Variants in LRRFIP1 observed in about 807,000 individuals in gnomAD.
LRRFIP1 encodes the protein leucine-rich repeat flightless-interacting protein 1.
Under a neutral mutation model 104.4 loss-of-function variants are expected in LRRFIP1, and 62 were observed. The observed-to-expected ratio is 0.59, with a 90% CI of 0.48 to 0.73. The LOEUF (loss-of-function observed/expected upper bound fraction) is 0.73. Ranked by LOEUF, LRRFIP1 falls within the 30% of genes least tolerant of loss-of-function variation. The pLI is 0.00. For synonymous variants in LRRFIP1, 300 were observed against 299.0 expected (o/e 1.00, Z -0.03); for missense variants, 796 against 824.5 (o/e 0.97, Z 0.42).
chr2:237,641,795 A>G lies in LRRFIP1; in HGVS notation c.96+14055A>G, dbSNP rs535388066. Among the ~76,000 whole-genome samples the G allele has an allele frequency of 2.3e-4, 35 of 152,308 alleles. No individual in the cohort carries two copies. In the South Asian group the frequency reaches 5.6e-3, roughly 24 times the overall value. ...ATACCAGGTGAAAATAACATATAAC[A>G]TGCACAATATATTGTACAGTTTTGT... On this transcript the variant is annotated intron_variant, in intron 1 of 23. Coordinates refer to ENST00000308482, the MANE Select transcript of LRRFIP1 (RefSeq NM_001137550.2).
At chr2:237,740,821 T>TGACC (rs1458445312) in intron 11 of LRRFIP1, among the ~76,000 whole-genome samples, 1 of 152,046 alleles carries the variant, frequency 6.6e-6, no homozygotes, top group African/African-American at 2.4e-5. Context: ...ACTATTTTCG[T>TGACC]GACCCCGAGG....
intron 1 of LRRFIP1, chr2:237,692,625 CGTGGG>C: frequency 7.5e-7 from 1 of 1,331,308 alleles, no homozygotes; most frequent in East Asian, 3.1e-5. Context: ...GCCCGGGAGG[CGTGGG>C]GTGGGCTCTG....
rs147766881 is a variant in LRRFIP1 at position 237,678,207 on chromosome 2, T to C, written c.97-30337T>C. Among the ~76,000 whole-genome samples the C allele has an allele frequency of 2.4e-3, 373 of 152,272 alleles. 1 individual carries two copies. The highest frequency in any genetic ancestry group is 8.6e-3 in the African/African-American group (359 of 41,538). ...GAAATCACCGGGTGCCTTAAAAAAA[T>C]AACCAGCGCAAAGTTCAGGCCTCTT... is the stretch of plus-strand genomic sequence containing the variant. On this transcript the variant is annotated intron_variant, in intron 1 of 23. Transcript: ENST00000308482.
chr2:237,764,654 C>T lies in LRRFIP1; in HGVS notation c.1459+4449C>T, dbSNP rs1303354258. ...TATTTTATTTAAAGGAGATAAACAGCCAAATAGCAAATAGGTCACTGAATG... is the reference window on the plus strand; with the variant it reads ...TATTTTATTTAAAGGAGATAAACAGTCAAATAGCAAATAGGTCACTGAATG... On this transcript the variant is annotated intron_variant, in intron 19 of 23. Coordinates refer to ENST00000308482, the MANE Select transcript of LRRFIP1 (RefSeq NM_001137550.2). 4.0e-6 allele frequency: 4 copies of T among 988,404 alleles called. No individual in the cohort carries two copies. In the East Asian group the frequency reaches 3.4e-4, roughly 83 times the overall value. The allele number at this position is 988,404 out of a possible 1,614,324, so 61.2% of individuals were successfully genotyped here.
At chr2:237,635,483 G>C (rs749959504) in intron 1 of LRRFIP1, among the ~76,000 whole-genome samples, 3 of 152,088 alleles carry the variant, frequency 2.0e-5, no homozygotes, top group Non-Finnish European at 4.4e-5. Flanking sequence ...TGAACCATGT[G>C]ACTGTATTAA....
At chr2:237,760,682 G>A (rs1258254902) in intron 19 of LRRFIP1, among the ~76,000 whole-genome samples, 1 of 152,186 alleles carries the variant, frequency 6.6e-6, no homozygotes, top group Non-Finnish European at 1.5e-5. Context: ...TCAGCGCTTT[G>A]AGGGTACGGG....
intron 16 of LRRFIP1, 85 bp from the exon 17 acceptor site, chr2:237,757,371 G>A: frequency 1.2e-6 from 1 of 825,650 alleles, no homozygotes; most frequent in Non-Finnish European, 2.0e-6. Flanking sequence ...CTCACTCACT[G>A]TCCCAGCTCT....
intron 1 of LRRFIP1, among the ~76,000 whole-genome samples, chr2:237,700,062 T>C (rs1189497179): frequency 6.6e-6 from 1 of 152,196 alleles, no homozygotes; most frequent in Non-Finnish European, 1.5e-5. Context: ...GCGGAGGTGC[T>C]AGCCTTGTGC....
Position 237,661,344 on chromosome 2 carries a change from C to T in LRRFIP1, c.96+33604C>T, listed in dbSNP as rs887356312. ...ATGGAGGCTGGACTGTGTGTCCAGT[C>T]CACCCAGATGCCACCATGCCTGCCA... On this transcript the variant is annotated intron_variant, in intron 1 of 23. Coordinates refer to ENST00000308482, the MANE Select transcript of LRRFIP1 (RefSeq NM_001137550.2). The surrounding 1 kb of genome is among the most constrained non-coding windows in gnomAD (Gnocchi z 4.4). 2.6e-5 allele frequency among the ~76,000 whole-genome samples: 4 copies of T among 152,162 alleles called. No individual in the cohort carries two copies. In the South Asian group the frequency reaches 6.2e-4, roughly 24 times the overall value.
chr2:237,641,105 T>C (rs1397813048), intron 1 of LRRFIP1, among the ~76,000 whole-genome samples: 2 of 152,006 alleles, frequency 1.3e-5, no homozygotes, highest in African/African-American at 4.8e-5. Context: ...TAATATTCTT[T>C]TAAAAAATGG....
chr2:237,758,500 G>T (rs1392389203), intron 17 of LRRFIP1, among the ~76,000 whole-genome samples: 1 of 152,228 alleles, frequency 6.6e-6, no homozygotes, highest in Admixed American at 6.5e-5. Flanking sequence ...TGTGCTTCAA[G>T]ATGCGCATGT....
Position 237,776,870 on chromosome 2 carries a change from G to A in LRRFIP1, c.1812+2408G>A, listed in dbSNP as rs528873325. Reference sequence around the variant, plus strand: ...TCTGGAATCTGTGGATCTTAATAGAGCCCTTAGTCCATTGTTATTGGTATA... The same window carrying A: ...TCTGGAATCTGTGGATCTTAATAGAACCCTTAGTCCATTGTTATTGGTATA... On this transcript the variant is annotated intron_variant, in intron 23 of 23. Coordinates refer to ENST00000308482, the MANE Select transcript of LRRFIP1 (RefSeq NM_001137550.2). 1.6e-4 allele frequency among the ~76,000 whole-genome samples: 25 copies of A among 152,222 alleles called. 1 individual carries two copies. The South Asian group carries it at 5.0e-3, about 30-fold the overall frequency.
intron 1 of LRRFIP1, among the ~76,000 whole-genome samples, chr2:237,689,409 T>G (rs994925324): frequency 6.6e-6 from 1 of 152,206 alleles, no homozygotes; most frequent in Non-Finnish European, 1.5e-5. Flanking sequence ...TCCTCTCATC[T>G]AGAAGGGTGT....
chr2:237,648,406 G>A lies in LRRFIP1; in HGVS notation c.96+20666G>A, dbSNP rs1018469168. 3.3e-5 allele frequency among the ~76,000 whole-genome samples: 5 copies of A among 151,842 alleles called. 1 individual carries two copies. Among genetic ancestry groups the A allele is most frequent in the South Asian group, 2.1e-4 (1 of 4,810 alleles). ...CATCAAAAGTGTTCTACAAGTGTCCGGGGTGTTCATTGTAATCTGGTATAA... is the reference window on the plus strand; with the variant it reads ...CATCAAAAGTGTTCTACAAGTGTCCAGGGTGTTCATTGTAATCTGGTATAA... On this transcript the variant is annotated intron_variant, in intron 1 of 23. Transcript: ENST00000308482.
chr2:237,663,529 C>T (rs2088509933), intron 1 of LRRFIP1, among the ~76,000 whole-genome samples: 1 of 152,196 alleles, frequency 6.6e-6, no homozygotes, highest in African/African-American at 2.4e-5. Flanking sequence ...TCTGCTGGCA[C>T]CTTGATCTTG....
rs999345340 is a variant in LRRFIP1, at chr2:237,649,091, G to A, written c.96+21351G>A. ...ACGGAGGCTGCCCTGGGTCTTGGCCGGCCCCTGGAGCTGGAGGAGGTGCTG... is the reference window on the plus strand; with the variant it reads ...ACGGAGGCTGCCCTGGGTCTTGGCCAGCCCCTGGAGCTGGAGGAGGTGCTG... On this transcript the variant is annotated intron_variant, in intron 1 of 23. Coordinates refer to ENST00000308482, the MANE Select transcript of LRRFIP1 (RefSeq NM_001137550.2). The surrounding 1 kb of genome is among the most constrained non-coding windows in gnomAD (Gnocchi z 4.1). Among the ~76,000 whole-genome samples the A allele has an allele frequency of 6.6e-6, 1 of 151,830 alleles. No homozygotes were observed. The highest frequency in any genetic ancestry group is 3.4e-3 in the Middle Eastern group (1 of 294).
chr2:237,769,897 G>A (rs7582002), intron 19 of LRRFIP1, 46 bp from the exon 20 acceptor site: 37 of 1,430,028 alleles, frequency 2.6e-5, no homozygotes, highest in South Asian at 1.2e-4. Flanking sequence ...GCTGAAAGGC[G>A]CGGCACGCGG....
intron 3 of LRRFIP1, among the ~76,000 whole-genome samples, chr2:237,715,698 C>A (rs1223402461): frequency 6.6e-6 from 1 of 152,240 alleles, no homozygotes; most frequent in African/African-American, 2.4e-5. Flanking sequence ...CCGGCCCAGC[C>A]AGCTGCTTTG....
chr2:237,672,849 C>G (rs1232870560), intron 1 of LRRFIP1, among the ~76,000 whole-genome samples: 1 of 152,172 alleles, frequency 6.6e-6, no homozygotes, highest in Non-Finnish European at 1.5e-5. Flanking sequence ...TGAACATAAC[C>G]TCTCAATTTG....
Sources: gnomAD v4.1 joint callset for allele counts (sites outside exome capture counted in the v4.1 genomes callset) on GRCh38, gnomAD v4.1.1 for gene constraint, Gnocchi (gnomAD v3.1) non-coding constraint, MANE v1.5 for transcripts, NCBI Gene and HGNC (gene_info 2026-07-23, HGNC 2026-07-21) for gene names.